Variants in PDE4D observed in about 807,000 individuals in gnomAD.
The protein encoded by PDE4D is 3',5'-cyclic-AMP phosphodiesterase 4D.
In PDE4D, 24 loss-of-function variants were observed where a neutral mutation model predicts 87.4. The ratio of observed to expected loss-of-function variants is 0.27; its 90% confidence interval spans 0.20 to 0.39. The LOEUF (loss-of-function observed/expected upper bound fraction) is 0.39. PDE4D is among the 10% of genes least tolerant of loss of function. The pLI is 1.00. For synonymous variants in PDE4D, 384 were observed against 383.2 expected, an observed-to-expected ratio of 1.00 and a Z score of -0.02; for missense variants, 714 against 1,041.0, an observed-to-expected ratio of 0.69 and a Z score of 4.32.
intron 1 of PDE4D, among the ~76,000 whole-genome samples, chr5:60,283,481 G>A (rs1752133416): frequency 1.3e-5 from 2 of 152,120 alleles, no homozygotes; most frequent in Admixed American, 1.3e-4. Flanking sequence ...GAAATTTTGT[G>A]AGAGGTACTA....
intron 1 of PDE4D, among the ~76,000 whole-genome samples, chr5:59,226,372 G>T (rs972146567): frequency 6.6e-6 from 1 of 152,134 alleles, no homozygotes; most frequent in African/African-American, 2.4e-5. Flanking sequence ...AGGACATTAT[G>T]CCAAGTGAAA....
intron 4 of PDE4D, among the ~76,000 whole-genome samples, chr5:59,182,595 T>C (rs1741929867): frequency 6.6e-6 from 1 of 152,178 alleles, no homozygotes; most frequent in Admixed American, 6.6e-5. Context: ...GGGAATGGTA[T>C]TAAATAAATA....
intron 2 of PDE4D, among the ~76,000 whole-genome samples, chr5:60,104,300 G>A (rs1476570441): frequency 6.6e-6 from 1 of 152,198 alleles, no homozygotes; most frequent in Non-Finnish European, 1.5e-5. Context: ...TGGCAGCGAG[G>A]CTGGGGGAGA....
At chr5:59,750,650 C>G (rs966879109) in intron 1 of PDE4D, among the ~76,000 whole-genome samples, 19 of 152,062 alleles carry the variant, frequency 1.2e-4, no homozygotes, top group African/African-American at 4.1e-4. Flanking sequence ...AATATGTGCT[C>G]TTTAGCCTGA....
intron 5 of PDE4D, among the ~76,000 whole-genome samples, chr5:59,083,588 A>G (rs1767154249): frequency 7.8e-6 from 1 of 127,474 alleles, no homozygotes; most frequent in African/African-American, 2.9e-5. Context: ...CTTTATATAT[A>G]CATATATATT....
chr5:60,280,439 AG>A (rs1325105211), intron 1 of PDE4D, among the ~76,000 whole-genome samples: 1 of 152,126 alleles, frequency 6.6e-6, no homozygotes, highest in Non-Finnish European at 1.5e-5. Flanking sequence ...ATTCTTTAAT[AG>A]GATGAATAAT....
chr5:59,229,621 A>T (rs1310200492), intron 1 of PDE4D, among the ~76,000 whole-genome samples: 1 of 152,222 alleles, frequency 6.6e-6, no homozygotes, highest in Non-Finnish European at 1.5e-5. Flanking sequence ...AACTACGTGC[A>T]GCTGCTAGTA....
chr5:60,057,291 G>A (rs1287684404), intron 2 of PDE4D, among the ~76,000 whole-genome samples: 2 of 152,030 alleles, frequency 1.3e-5, no homozygotes, highest in East Asian at 3.9e-4. Flanking sequence ...AATTTGAGAA[G>A]CAACAATATA....
intron 1 of PDE4D, among the ~76,000 whole-genome samples, chr5:60,186,641 C>A (rs1046914871): frequency 6.6e-6 from 1 of 152,030 alleles, no homozygotes; most frequent in African/African-American, 2.4e-5. Context: ...TAGGTGTAGG[C>A]TGATGCTAAC....
intron 1 of PDE4D, among the ~76,000 whole-genome samples, chr5:59,363,393 C>A (rs147241098): frequency 6.6e-6 from 1 of 152,192 alleles, no homozygotes; most frequent in African/African-American, 2.4e-5. Context: ...GATCATACAG[C>A]CAATGAGTAG....
intron 1 of PDE4D, among the ~76,000 whole-genome samples, chr5:60,261,656 C>A (rs189849489): frequency 9.2e-5 from 14 of 151,890 alleles, no homozygotes; most frequent in African/African-American, 3.4e-4. Flanking sequence ...GCACTTACAA[C>A]CTAAAGATAA....
chr5:59,339,337 T>C (rs972128883), intron 1 of PDE4D, among the ~76,000 whole-genome samples: 1 of 152,200 alleles, frequency 6.6e-6, no homozygotes, highest in African/African-American at 2.4e-5. Flanking sequence ...TAACTAATAA[T>C]GAGAGATGAT....
chr5:60,492,957 G>T (rs1347295054), upstream of PDE4D, among the ~76,000 whole-genome samples: 1 of 151,976 alleles, frequency 6.6e-6, no homozygotes, highest in Non-Finnish European at 1.5e-5. Flanking sequence ...ACTGCCAGAT[G>T]TGGTGAAATG....
In PDE4D at chr5:59,489,149, G is replaced by A. The variant is rs1805719954; in HGVS notation, c.456-273181C>T. 1.3e-5 allele frequency among the ~76,000 whole-genome samples: 2 copies of A among 151,488 alleles called. 1 individual carries two copies. Among genetic ancestry groups the A allele is most frequent in the South Asian group, 4.2e-4 (2 of 4,782 alleles). On this transcript the variant is annotated intron_variant, in intron 1 of 14. Transcript: ENST00000340635. ...AAAATACAAAAATTAGCTGAGTGTG[G>A]TAGTACTCAGGAGGCTGAGGCAGGA...
intron 5 of PDE4D, among the ~76,000 whole-genome samples, chr5:59,090,281 A>C (rs1561466224): frequency 6.6e-6 from 1 of 152,156 alleles, no homozygotes; most frequent in Non-Finnish European, 1.5e-5. Flanking sequence ...AATACACCTC[A>C]TGTTTCACGC....
At chr5:59,969,930 C>T (rs1760514009) in intron 3 of PDE4D, among the ~76,000 whole-genome samples, 1 of 152,196 alleles carries the variant, frequency 6.6e-6, no homozygotes, top group Non-Finnish European at 1.5e-5. Context: ...GACAAATACA[C>T]TTCTCAAGTA....
intron 1 of PDE4D, among the ~76,000 whole-genome samples, chr5:59,325,614 T>C (rs930281491): frequency 6.6e-6 from 1 of 152,154 alleles, no homozygotes; most frequent in Admixed American, 6.6e-5. Flanking sequence ...CAGTTCAAGC[T>C]CCTATAGTGC....
chr5:60,208,138 A>C (rs142326092), intron 1 of PDE4D, among the ~76,000 whole-genome samples: 1 of 152,382 alleles, frequency 6.6e-6, no homozygotes, highest in East Asian at 1.9e-4. Context: ...ATACTAAGTT[A>C]ATAAGTAAAT....
chr5:59,635,612 C>T (rs1451717415), intron 1 of PDE4D, among the ~76,000 whole-genome samples: 2 of 152,178 alleles, frequency 1.3e-5, no homozygotes, highest in Non-Finnish European at 2.9e-5. Context: ...CATAACCCAT[C>T]ACATAAATGA....
Sources: gnomAD v4.1 joint callset for allele counts (sites outside exome capture counted in the v4.1 genomes callset) on GRCh38, gnomAD v4.1.1 for gene constraint, MANE v1.5 for transcripts, NCBI Gene and HGNC (gene_info 2026-07-23, HGNC 2026-07-21) for gene names.